The following ASH1L variants were observed in gnomAD, a reference collection of about 807,000 sequenced individuals.
ASH1L encodes ASH1 like histone lysine methyltransferase.
ASH1L carries 23 observed loss-of-function variants against 269.0 expected under a neutral mutation model. The ratio of observed to expected loss-of-function variants is 0.09; its 90% CI spans 0.06 to 0.12. The LOEUF (loss-of-function observed/expected upper bound fraction) is 0.12, where lower values mean the gene tolerates loss of function less well. Ranked by LOEUF, ASH1L falls within the 10% of genes least tolerant of loss-of-function variation. ASH1L has a pLI of 1.00. For missense variants in ASH1L, 2,912 were observed against 3,567.8 expected (o/e 0.82, Z 4.68); for synonymous variants, 1,187 against 1,253.5 (o/e 0.95, Z 1.12).
chr1:155,459,831 C>G lies in ASH1L; in HGVS notation c.5052G>C (p.Arg1684=). The change falls in exon 4 of 28, where the codon CGG becomes CGC. Residue 1684 remains arginine (R), a synonymous_variant. Coordinates refer to ENST00000392403, the MANE Select transcript of ASH1L (RefSeq NM_018489.3). ...PSESTNCSPT[R]KRSSSESTSS... ...AAGTACTCTCAGATGAAGACCTTTT[C>G]CGGGTAGGGCTACAATTTGTGCTCT... 6.2e-7 allele frequency: 1 copy of G among 1,613,530 alleles called. No individual in the cohort carries two copies. Among genetic ancestry groups the G allele is most frequent in the South Asian group, 1.1e-5 (1 of 90,966 alleles).
At position 155,390,634 on chromosome 1, in the gene ASH1L, C is replaced by T. The variant is rs1657837346; in HGVS notation, c.6103+4825G>A. On this transcript the variant is annotated intron_variant, in intron 7 of 27. Transcript: ENST00000392403. The stretch of plus-strand genomic sequence containing the variant: ...GATATCTGTAGTTAATATCATTCTC[C>T]CCCCCCCCCCTTTTTTCTTTCTTTT... Among the ~76,000 whole-genome samples the T allele has an allele frequency of 4.4e-5, 4 of 91,924 alleles. No homozygotes were observed. The South Asian group carries it at 1.0e-3, about 24-fold the overall frequency. The allele number at this position is 91,924 out of a possible 152,430, so 60.3% of individuals were successfully genotyped here.
chr1:155,521,627 C>G lies in ASH1L; in HGVS notation c.-99-9G>C, dbSNP rs949300626. ...GAAACCAGCATCTTTCTCTGCAGAA[C>G]AGATCATAACAAAAATTTATCAGAA... On this transcript the variant is annotated splice_polypyrimidine_tract_variant and intron_variant, in intron 1 of 27. Coordinates refer to ENST00000392403, the MANE Select transcript of ASH1L (RefSeq NM_018489.3). 9.8e-7 allele frequency: 1 copy of G among 1,024,092 alleles called. No homozygotes were observed. The highest frequency in any genetic ancestry group is 1.4e-6 in the Non-Finnish European group (1 of 706,900). The allele number at this position is 1,024,092 out of a possible 1,614,324, so 63.4% of individuals were successfully genotyped here. A position where few individuals can be genotyped will look rare whatever the true frequency, so the allele number is the denominator to read the frequency against.
intron 6 of ASH1L, among the ~76,000 whole-genome samples, chr1:155,403,401 C>T (rs1224252073): frequency 1.3e-5 from 2 of 152,136 alleles, no homozygotes; most frequent in Non-Finnish European, 2.9e-5. Context: ...AACAACTCTG[C>T]AGCCAATTAT....
At chr1:155,527,017 G>A (rs182652673) in intron 1 of ASH1L, among the ~76,000 whole-genome samples, 1 of 152,262 alleles carries the variant, frequency 6.6e-6, no homozygotes, top group Non-Finnish European at 1.5e-5. Flanking sequence ...GACCAGCTTG[G>A]CCAACGTGGT....
intron 12 of ASH1L, among the ~76,000 whole-genome samples, chr1:155,362,648 C>T (rs937459703): frequency 2.6e-5 from 4 of 152,110 alleles, no homozygotes; most frequent in African/African-American, 9.7e-5. Flanking sequence ...ATCTTAACTA[C>T]CATGCCATAC....
intron 5 of ASH1L, among the ~76,000 whole-genome samples, chr1:155,426,444 G>A (rs1008420937): frequency 1.3e-5 from 2 of 151,628 alleles, no homozygotes; most frequent in Non-Finnish European, 2.9e-5. Context: ...CTCGTGATCC[G>A]ACCGCCTCGG....
intron 4 of ASH1L, among the ~76,000 whole-genome samples, chr1:155,443,374 T>C (rs1051468796): frequency 7.2e-5 from 11 of 152,248 alleles, no homozygotes; most frequent in Admixed American, 2.6e-4. Context: ...TTTATGTTTC[T>C]TGGTAGTCTA....
In ASH1L at chr1:155,438,853, G is replaced by A. The variant is rs138474502; in HGVS notation, c.5302C>T (p.Pro1768Ser). ...TTGCAAGAGTCACTTGTGACTGCAG[G>A]CACTAAAAGGCTGTCTGGTTTTCCC... Reference protein sequence around the residue: ...TLGKPDSLLVPAVTSDSCNNS... With the variant: ...TLGKPDSLLVSAVTSDSCNNS... Residue 1768 changes from proline to serine, a missense_variant, in exon 5 of 28, where the codon CCT becomes TCT. Pro to Ser is a moderately conservative substitution (Grantham distance 74, BLOSUM62 -1). Around this residue, in one of 13 missense-constraint regions of ASH1L, gnomAD observed 789 missense variants for 897.6 expected, o/e 0.88. Coordinates refer to ENST00000392403, the MANE Select transcript of ASH1L (RefSeq NM_018489.3). 1,639 of 1,614,162 alleles carry A rather than the reference G, an allele frequency of 1.0e-3. No homozygotes were observed. The highest frequency in any genetic ancestry group is 1.3e-3 in the Non-Finnish European group (1,504 of 1,180,026).
chr1:155,338,511 T>C, intron 26 of ASH1L, 121 bp from the exon 27 acceptor site: 1 of 788,604 alleles, frequency 1.3e-6, no homozygotes, highest in Non-Finnish European at 2.0e-6. Context: ...TAGCTTGAGG[T>C]AAGAAACTTG....
At chr1:155,416,783 C>T (rs1660243898) in intron 5 of ASH1L, among the ~76,000 whole-genome samples, 1 of 151,286 alleles carries the variant, frequency 6.6e-6, no homozygotes, top group Admixed American at 6.6e-5. Flanking sequence ...TCAGGTAATC[C>T]GCCCACCCAA....
chr1:155,355,316 G>A (rs553746723), intron 15 of ASH1L, among the ~76,000 whole-genome samples: 1 of 152,378 alleles, frequency 6.6e-6, no homozygotes, highest in African/African-American at 2.4e-5. Flanking sequence ...CTCCCAAAGT[G>A]CTGGGATTAC....
At position 155,337,604 on chromosome 1, in the gene ASH1L, C is replaced by A; in HGVS notation, c.*56G>T. The A allele has an allele frequency of 6.9e-7, 1 of 1,455,882 alleles. No individual in the cohort carries two copies. 90.2% of individuals were successfully genotyped at this position (1,455,882 alleles called of 1,614,324 possible). The stretch of plus-strand genomic sequence containing the variant: ...CTGTCTATACCCAGAGAGCAGGAGG[C>A]AGGACTGATTAGCTCCACTGGATCC... On this transcript the variant is annotated 3_prime_UTR_variant, in exon 28 of 28. Transcript: ENST00000392403.
intron 1 of ASH1L, among the ~76,000 whole-genome samples, chr1:155,558,483 T>C (rs1007881492): frequency 3.3e-5 from 5 of 151,824 alleles, no homozygotes; most frequent in African/African-American, 9.7e-5. Flanking sequence ...AAAAAAAAAA[T>C]TTAAAAAGTG....
At chr1:155,520,218 G>C (rs1466782834) in intron 2 of ASH1L, 1 of 151,688 alleles carries the variant, frequency 6.6e-6, no homozygotes, top group Non-Finnish European at 1.5e-5. Context: ...TGGGTGCGGT[G>C]GTGGGCGCCT....
intron 6 of ASH1L, among the ~76,000 whole-genome samples, chr1:155,404,789 G>C (rs1314402262): frequency 1.3e-5 from 2 of 152,124 alleles, no homozygotes; most frequent in African/African-American, 4.8e-5. Context: ...CAGCACTTTG[G>C]GAGGCTGAGG....
chr1:155,378,577 T>C (rs754959105), intron 8 of ASH1L, 29 bp from the exon 9 acceptor site: 31 of 1,577,550 alleles, frequency 2.0e-5, no homozygotes, highest in East Asian at 1.8e-4. Flanking sequence ...AATCTTGATA[T>C]AGCATTTAAC....
intron 1 of ASH1L, among the ~76,000 whole-genome samples, chr1:155,548,466 T>C (rs1448469253): frequency 1.3e-5 from 2 of 152,100 alleles, no homozygotes; most frequent in African/African-American, 4.8e-5. Context: ...GGGGTTGCAG[T>C]GAACCTAGAT....
intron 2 of ASH1L, among the ~76,000 whole-genome samples, chr1:155,503,034 T>A (rs1667612006): frequency 6.6e-6 from 1 of 152,202 alleles, no homozygotes; most frequent in African/African-American, 2.4e-5. Flanking sequence ...ATTTTCAGCA[T>A]CTGCTTTTGA....
chr1:155,416,435 A>G (rs1258881835), intron 5 of ASH1L, among the ~76,000 whole-genome samples: 1 of 151,898 alleles, frequency 6.6e-6, no homozygotes, highest in Non-Finnish European at 1.5e-5. Flanking sequence ...ATTTTAAAAG[A>G]CAATTATTAT....
Sources: gnomAD v4.1 joint callset for allele counts (sites outside exome capture counted in the v4.1 genomes callset) on GRCh38, gnomAD v4.1.1 for gene constraint, gnomAD v4.1.1 regional missense constraint, MANE v1.5 for transcripts, NCBI Gene and HGNC (gene_info 2026-07-23, HGNC 2026-07-21) for gene names.